The following PDK3 variants were observed in gnomAD, a reference collection of about 807,000 sequenced individuals.
The protein encoded by PDK3 is pyruvate dehydrogenase kinase, isozyme 3.
In PDK3, 12 loss-of-function variants were observed where a neutral mutation model predicts 32.0. That is an observed-to-expected ratio of 0.37 (90% CI 0.24 to 0.61). The LOEUF (loss-of-function observed/expected upper bound fraction) is 0.61, where lower values mean the gene tolerates loss of function less well. PDK3 is among the 20% of genes least tolerant of loss of function. The pLI, the probability that PDK3 is intolerant of heterozygous loss-of-function variation, is 0.65. For missense variants in PDK3, 188 were observed against 316.9 expected (o/e 0.59, Z 3.09); for synonymous variants, 122 against 116.3 (o/e 1.05, Z -0.31).
chrX:24,532,002 A>C (rs1365617048), intron 10 of PDK3, among the ~76,000 whole-genome samples: 1 of 112,230 alleles, frequency 8.9e-6, no homozygotes, highest in Admixed American at 9.5e-5. Flanking sequence ...GTGGTGGCAC[A>C]TGCCTGTAAT....
At chrX:24,528,715 G>A (rs751058871) in intron 9 of PDK3, among the ~76,000 whole-genome samples, 2 of 112,531 alleles carry the variant, frequency 1.8e-5, no homozygotes, top group South Asian at 3.7e-4. Flanking sequence ...TATAGGTGGT[G>A]TATGCATTTT....
chrX:24,549,672 A>G (rs930106207), exon 12 of PDK3: 11 of 111,886 alleles, frequency 9.8e-5, no homozygotes, highest in Admixed American at 1.9e-4. Context: ...AGAACGGAAC[A>G]TACCACTTTG....
chrX:24,524,290 G>A (rs762606937), intron 6 of PDK3, among the ~76,000 whole-genome samples: 63 of 112,127 alleles, frequency 5.6e-4, no homozygotes, highest in Non-Finnish European at 8.8e-4. Context: ...GAAAAATCTT[G>A]AAGAATGGAC....
chrX:24,514,487 T>C (rs1385428802), intron 5 of PDK3, among the ~76,000 whole-genome samples: 1 of 111,788 alleles, frequency 8.9e-6, no homozygotes, highest in African/African-American at 3.2e-5. Flanking sequence ...TAAAAGTAAT[T>C]TGGCAGTTAT....
exon 12 of PDK3, among the ~76,000 whole-genome samples, chrX:24,543,649 A>G (rs1233396863): frequency 9.1e-6 from 1 of 110,331 alleles, no homozygotes; most frequent in African/African-American, 3.3e-5. Context: ...GGGTTTCACC[A>G]TGTTGCCCAG....
downstream of PDK3, chrX:24,539,183 C>A: frequency 9.2e-7 from 1 of 1,081,089 alleles, no homozygotes; most frequent in Non-Finnish European, 1.3e-6. Flanking sequence ...ATGCTGTGGT[C>A]CTCTCTGTGA....
intron 4 of PDK3, among the ~76,000 whole-genome samples, chrX:24,504,207 T>C (rs1326398863): frequency 8.9e-6 from 1 of 112,578 alleles, no homozygotes; most frequent in Non-Finnish European, 1.9e-5. Context: ...AAACCATCTT[T>C]ATTTTAGTAA....
intron 1 of PDK3, among the ~76,000 whole-genome samples, chrX:24,470,714 GAAAAGAAA>G (rs1178010809): frequency 1.1e-5 from 1 of 92,892 alleles, no homozygotes; most frequent in Non-Finnish European, 2.2e-5. Context: ...AAAAAAAGAA[GAAAAGAAA>G]AAAAGAAAAT....
chrX:24,491,892 T>A (rs1456904101), intron 1 of PDK3, among the ~76,000 whole-genome samples: 3 of 111,383 alleles, frequency 2.7e-5, no homozygotes, highest in Non-Finnish European at 3.8e-5. Context: ...ACCGTGATTG[T>A]ACCACTGCAC....
chrX:24,542,841 C>T (rs1406253756), exon 12 of PDK3, among the ~76,000 whole-genome samples: 1 of 112,389 alleles, frequency 8.9e-6, no homozygotes, highest in African/African-American at 3.2e-5. Context: ...ATTACAGCTT[C>T]GGTTGGGTTT....
chrX:24,533,830 A>T, intron 10 of PDK3, 99 bp from the exon 11 acceptor site: 1 of 906,675 alleles, frequency 1.1e-6, no homozygotes, highest in Non-Finnish European at 1.5e-6. Context: ...AATATGTATT[A>T]AGGTTTCTGA....
Position 24,505,301 on chromosome X carries a change from A to G in PDK3, c.595+3A>G, listed in dbSNP as rs1227104182. 2.6e-6 allele frequency: 3 copies of G among 1,165,144 alleles called. No homozygotes were observed. The highest frequency in any genetic ancestry group is 3.5e-6 in the Non-Finnish European group (3 of 854,729). On this transcript the variant is annotated splice_donor_region_variant and intron_variant, in intron 5 of 10. Transcript: ENST00000379162. ...TAACGTGGCGGATGTGGTGAAAGGT[A>G]AGGAGACCGTTGTAATGGTATCGAT...
chrX:24,524,341 G>A (rs1014954503), intron 6 of PDK3, among the ~76,000 whole-genome samples: 6 of 111,995 alleles, frequency 5.4e-5, no homozygotes, highest in African/African-American at 1.9e-4. Flanking sequence ...AAGTAGGTAT[G>A]GAAGCTGGAA....
At chrX:24,547,034 G>T (rs749993532) in exon 12 of PDK3, 1 of 112,371 alleles carries the variant, frequency 8.9e-6, no homozygotes, top group South Asian at 3.7e-4. Flanking sequence ...ATTGACTTCA[G>T]TTCTCTCCAT....
intron 5 of PDK3, among the ~76,000 whole-genome samples, chrX:24,509,074 C>T (rs1190767865): frequency 2.7e-5 from 3 of 111,910 alleles, no homozygotes; most frequent in Non-Finnish European, 5.6e-5. Flanking sequence ...TATTCTTATA[C>T]GCTTTTGCAT....
intron 10 of PDK3, 66 bp from the exon 11 acceptor site, chrX:24,533,863 G>A: frequency 9.3e-7 from 1 of 1,080,108 alleles, no homozygotes. Flanking sequence ...TAAAATTTGG[G>A]TTACTATTTC....
chrX:24,536,979 T>A (rs1922789458), downstream of PDK3, among the ~76,000 whole-genome samples: 1 of 111,584 alleles, frequency 9.0e-6, no homozygotes, highest in South Asian at 3.7e-4. Context: ...GCTGGATCCT[T>A]AGTGTTCTAT....
At chrX:24,544,747 T>C (rs907851956) in exon 12 of PDK3, among the ~76,000 whole-genome samples, 8 of 112,228 alleles carry the variant, frequency 7.1e-5, no homozygotes, top group Non-Finnish European at 1.5e-4. Flanking sequence ...AGTTTCATTA[T>C]AGACAGCTTG....
intron 8 of PDK3, 119 bp downstream of exon 8, chrX:24,527,794 A>T (rs778231540): frequency 2.0e-6 from 1 of 500,773 alleles, no homozygotes; most frequent in Non-Finnish European, 3.3e-6. Flanking sequence ...TGTAAGTTCT[A>T]TGCTAGATCC....
Sources: gnomAD v4.1 joint callset for allele counts (sites outside exome capture counted in the v4.1 genomes callset) on GRCh38, gnomAD v4.1.1 for gene constraint, MANE v1.5 for transcripts, NCBI Gene and HGNC (gene_info 2026-07-23, HGNC 2026-07-21) for gene names.